The following EPHA6 variants were observed in gnomAD, a reference collection of about 807,000 sequenced individuals.
EPHA6 encodes ephrin type-A receptor 6.
In EPHA6, 50 loss-of-function variants were observed where a neutral mutation model predicts 112.0. The ratio of observed to expected loss-of-function variants is 0.45; its 90% CI spans 0.36 to 0.56. The LOEUF (loss-of-function observed/expected upper bound fraction) is 0.56, where lower values mean the gene tolerates loss of function less well. Among genes scored for constraint, EPHA6 ranks in the 20% least tolerant of loss-of-function variants. The pLI, the probability that EPHA6 is intolerant of heterozygous loss-of-function variation, is 0.00. For synonymous variants in EPHA6, 529 were observed against 490.7 expected (o/e 1.08, Z -1.03); for missense variants, 1,280 against 1,417.4 (o/e 0.90, Z 1.56).
chr3:97,640,415 G>A (rs1423821101), intron 14 of EPHA6, among the ~76,000 whole-genome samples: 1 of 152,264 alleles, frequency 6.6e-6, no homozygotes, highest in African/African-American at 2.4e-5. Flanking sequence ...TAGCAACTAG[G>A]AGACAGGCAC....
intron 5 of EPHA6, among the ~76,000 whole-genome samples, chr3:97,303,197 T>TATAC (rs2081168013): frequency 6.6e-6 from 1 of 151,884 alleles, no homozygotes; most frequent in Non-Finnish European, 1.5e-5. Flanking sequence ...AGATACATAT[T>TATAC]ATAAATATAG....
rs975661571 is a variant in EPHA6 at position 97,321,593 on chromosome 3, C to A, written c.1606+77306C>A. On this transcript the variant is annotated intron_variant, in intron 5 of 17. Transcript: ENST00000389672. ...TGGGAGACAAATAGAGTTTTAAAAA[C>A]CCCCAATGGGTCTGTGACCCAAATA... is the stretch of plus-strand genomic sequence containing the variant. Among the ~76,000 whole-genome samples the A allele has an allele frequency of 1.8e-4, 27 of 152,028 alleles. No homozygotes were observed. The East Asian group carries it at 2.5e-3, about 14-fold the overall frequency.
chr3:96,824,398 G>T (rs2107236590), intron 1 of EPHA6, among the ~76,000 whole-genome samples: 1 of 151,506 alleles, frequency 6.6e-6, no homozygotes, highest in East Asian at 1.9e-4. Context: ...AGTTATCTTT[G>T]GGTTTTTAAA....
chr3:97,381,330 CACTTA>C (rs573845330), intron 5 of EPHA6, among the ~76,000 whole-genome samples: 326 of 152,146 alleles, frequency 2.1e-3, no homozygotes, highest in Non-Finnish European at 3.7e-3. Flanking sequence ...CTGAGCTAGT[CACTTA>C]ACTTCACTGA....
chr3:96,928,177 C>A (rs1232250431), intron 2 of EPHA6, among the ~76,000 whole-genome samples: 1 of 152,120 alleles, frequency 6.6e-6, no homozygotes, highest in African/African-American at 2.4e-5. Context: ...GACACAGAGC[C>A]AGACCATATC....
rs1006938075 is a variant in EPHA6 at position 96,873,874 on chromosome 3, C to A, written c.450+6985C>A. Among the ~76,000 whole-genome samples, 88 of 152,060 alleles carry A rather than the reference C, an allele frequency of 5.8e-4. 1 individual carries two copies. The highest frequency in any genetic ancestry group is 5.7e-3 in the Admixed American group (87 of 15,242). On this transcript the variant is annotated intron_variant, in intron 2 of 17. Transcript: ENST00000389672. ...ATGAGTCTGTAAAAGAACTGCAATT[C>A]AGCATTTCAGCATTTTACATACTTT...
chr3:97,637,038 A>G (rs2093951783), intron 13 of EPHA6, among the ~76,000 whole-genome samples: 1 of 152,036 alleles, frequency 6.6e-6, no homozygotes, highest in Non-Finnish European at 1.5e-5. Flanking sequence ...TACTATTTGT[A>G]TCTGGTCTTG....
chr3:97,245,221 G>T (rs577778352), intron 5 of EPHA6, among the ~76,000 whole-genome samples: 2 of 152,176 alleles, frequency 1.3e-5, no homozygotes, highest in South Asian at 2.1e-4. Flanking sequence ...CAGGCTAGAA[G>T]AATCAAGTTG....
At chr3:97,625,412 T>G (rs1344983721) in intron 13 of EPHA6, among the ~76,000 whole-genome samples, 1 of 151,814 alleles carries the variant, frequency 6.6e-6, no homozygotes, top group African/African-American at 2.4e-5. Context: ...ATACTTTGTA[T>G]GAAATCTACT....
chr3:96,981,533 G>A (rs2042779706), intron 2 of EPHA6, among the ~76,000 whole-genome samples: 2 of 151,878 alleles, frequency 1.3e-5, no homozygotes, highest in Non-Finnish European at 2.9e-5. Context: ...TTGTGTCTCT[G>A]CGAGGCTTTA....
At chr3:97,639,181 A>G (rs2093979680) in intron 14 of EPHA6, among the ~76,000 whole-genome samples, 1 of 152,022 alleles carries the variant, frequency 6.6e-6, no homozygotes, top group Non-Finnish European at 1.5e-5. Flanking sequence ...TCTGATATAT[A>G]AAGTAGCAGT....
chr3:97,189,941 A>G (rs1168239788), intron 3 of EPHA6, among the ~76,000 whole-genome samples: 1 of 152,064 alleles, frequency 6.6e-6, no homozygotes, highest in African/African-American at 2.4e-5. Context: ...TCCCATGTAG[A>G]TCTCCCTTCT....
intron 3 of EPHA6, chr3:97,010,188 T>C: frequency 1.3e-6 from 1 of 779,208 alleles, no homozygotes; most frequent in Non-Finnish European, 1.8e-6. Flanking sequence ...TGTGTTGGTA[T>C]GAAATATGGG....
chr3:97,577,658 A>G (rs2093399618), intron 11 of EPHA6, among the ~76,000 whole-genome samples: 1 of 152,190 alleles, frequency 6.6e-6, no homozygotes, highest in African/African-American at 2.4e-5. Flanking sequence ...GTACCTCATG[A>G]CATAACCAGT....
At chr3:97,654,492 G>A (rs2094126019) in intron 14 of EPHA6, among the ~76,000 whole-genome samples, 1 of 151,898 alleles carries the variant, frequency 6.6e-6, no homozygotes, top group Non-Finnish European at 1.5e-5. Context: ...GATAATCTCA[G>A]ATAGTGATAA....
intron 5 of EPHA6, among the ~76,000 whole-genome samples, chr3:97,341,574 C>T (rs539179933): frequency 6.6e-6 from 1 of 151,990 alleles, no homozygotes; most frequent in Non-Finnish European, 1.5e-5. Flanking sequence ...AGGATGGTAT[C>T]GATCTCCTGA....
intron 2 of EPHA6, among the ~76,000 whole-genome samples, chr3:96,969,503 A>G (rs1199030633): frequency 6.6e-6 from 1 of 151,946 alleles, no homozygotes; most frequent in Non-Finnish European, 1.5e-5. Context: ...ATGAAGGTCT[A>G]ATATATTTTG....
At chr3:97,457,935 G>C (rs1226291388) in intron 7 of EPHA6, among the ~76,000 whole-genome samples, 1 of 151,870 alleles carries the variant, frequency 6.6e-6, no homozygotes, top group Admixed American at 6.6e-5. Context: ...AGGCGTGGTA[G>C]CGGGCGCCAG....
chr3:97,362,017 G>C (rs928359227), intron 5 of EPHA6, among the ~76,000 whole-genome samples: 10 of 152,106 alleles, frequency 6.6e-5, no homozygotes, highest in African/African-American at 2.4e-4. Context: ...AAGATGCTCA[G>C]GTTATGTGAG....
Sources: allele counts gnomAD v4.1 joint callset (sites outside exome capture counted in the v4.1 genomes callset), GRCh38; gene constraint gnomAD v4.1.1; transcripts MANE v1.5; gene names NCBI Gene and HGNC (gene_info 2026-07-23, HGNC 2026-07-21).